The following KCNH8 variants were observed in gnomAD, a reference collection of about 807,000 sequenced individuals.
KCNH8 encodes the protein potassium voltage-gated channel subfamily H member 8, also known as voltage-gated delayed rectifier potassium channel KCNH8.
In KCNH8, 70 loss-of-function variants were observed where a neutral mutation model predicts 103.6. The observed-to-expected ratio is 0.68, with a 90% CI of 0.56 to 0.82. KCNH8 has a LOEUF of 0.82. KCNH8 is among the 40% of genes least tolerant of loss of function. The pLI is 0.00. For missense variants in KCNH8, 1,217 were observed against 1,329.9 expected (o/e 0.92, Z 1.32); for synonymous variants, 498 against 489.4 (o/e 1.02, Z -0.23).
In KCNH8 at chr3:19,438,358, G is replaced by A; in HGVS notation, c.1372G>A (p.Gly458Ser). 10 of 1,612,738 alleles carry A rather than the reference G, an allele frequency of 6.2e-6. No individual in the cohort carries two copies. The highest frequency in any genetic ancestry group is 8.5e-6 in the Non-Finnish European group (10 of 1,179,314). The change falls in exon 8 of 16, where the codon GGT (glycine) becomes AGT (serine). Residue 458 changes from glycine (G) to serine (S), a missense_variant. By Grantham distance (56) the Gly-to-Ser change is moderately conservative. Coordinates refer to ENST00000328405, the MANE Select transcript of KCNH8 (RefSeq NM_144633.3). ...CTTCTCCATCTGCACCATGCTGATTGGTGGTAAGAGAGCATCTTCTTTTAT... is the reference window on the plus strand; with the variant it reads ...CTTCTCCATCTGCACCATGCTGATTAGTGGTAAGAGAGCATCTTCTTTTAT... Reference protein sequence around the residue: ...KIFSICTMLIGALMHALVFGN... With the variant: ...KIFSICTMLISALMHALVFGN...
intron 5 of KCNH8, 128 bp from the exon 6 acceptor site, chr3:19,390,353 C>T: frequency 5.2e-5 from 34 of 648,994 alleles, no homozygotes; most frequent in South Asian, 1.3e-4. Context: ...GATTTTCTTC[C>T]TCCCTTCCTT....
chr3:19,346,848 C>T, intron 4 of KCNH8: 1 of 352,628 alleles, frequency 2.8e-6, no homozygotes, highest in Non-Finnish European at 5.7e-6. Context: ...GCCAGGTCTG[C>T]AAGTAGCTGG....
chr3:19,248,683 C>G (rs77810377), intron 1 of KCNH8, among the ~76,000 whole-genome samples: 1,598 of 152,274 alleles, frequency 0.01, 16 homozygotes, highest in Non-Finnish European at 0.015. Context: ...CTAAAGTTCT[C>G]TAGGTCTGTG....
intron 3 of KCNH8, among the ~76,000 whole-genome samples, chr3:19,305,217 G>A (rs1244125061): frequency 6.6e-6 from 1 of 152,068 alleles, no homozygotes; most frequent in African/African-American, 2.4e-5. Context: ...TTCTAAATGA[G>A]TATGGCTTCC....
In KCNH8 at chr3:19,194,660, A is replaced by G. The variant is rs553216729; in HGVS notation, c.76+45865A>G. Among the ~76,000 whole-genome samples the G allele has an allele frequency of 4.6e-5, 7 of 151,990 alleles. No homozygotes were observed. In the South Asian group the frequency reaches 1.2e-3, roughly 27 times the overall value. ...AAGATAAGGAGGGGGTAGGGGTTGA[A>G]AACTACTTATTGGGTACTAGGTTCA... On this transcript the variant is annotated intron_variant, in intron 1 of 15. Coordinates refer to ENST00000328405, the MANE Select transcript of KCNH8 (RefSeq NM_144633.3).
intron 5 of KCNH8, among the ~76,000 whole-genome samples, chr3:19,376,247 C>G (rs59449459): frequency 4.6e-5 from 7 of 152,284 alleles, no homozygotes; most frequent in East Asian, 1.9e-4. Flanking sequence ...TAGCAATCAG[C>G]GAGACTCTGT....
intron 7 of KCNH8, among the ~76,000 whole-genome samples, chr3:19,416,021 C>G (rs1447460405): frequency 2.0e-5 from 3 of 152,030 alleles, no homozygotes; most frequent in Non-Finnish European, 4.4e-5. Context: ...CATTAACTTG[C>G]AGGTTATCTT....
chr3:19,450,862 G>A, intron 9 of KCNH8: 1 of 375,100 alleles, frequency 2.7e-6, no homozygotes, highest in Non-Finnish European at 4.9e-6. Flanking sequence ...CTTCTGTCCT[G>A]ACTAGGACTC....
At chr3:19,403,361 A>AATATATATATATATATATATATATAT (rs57523893) in intron 7 of KCNH8, among the ~76,000 whole-genome samples, 2 of 124,646 alleles carry the variant, frequency 1.6e-5, no homozygotes, top group Non-Finnish European at 3.5e-5. Flanking sequence ...ATATGTAAAG[A>AATATATATATATATATATATATATAT]ATATATATAT....
At chr3:19,372,392 CT>C (rs1231870347) in intron 5 of KCNH8, among the ~76,000 whole-genome samples, 1 of 150,284 alleles carries the variant, frequency 6.7e-6, no homozygotes, top group Non-Finnish European at 1.5e-5. Context: ...TGGGAGTTCA[CT>C]CATGATTTGG....
At chr3:19,176,146 T>C (rs1487996099) in intron 1 of KCNH8, among the ~76,000 whole-genome samples, 1 of 152,200 alleles carries the variant, frequency 6.6e-6, no homozygotes, top group Non-Finnish European at 1.5e-5. Context: ...TCTCGTCCTT[T>C]AATATTTTAC....
At chr3:19,187,693 C>CGG (rs1210623222) in intron 1 of KCNH8, among the ~76,000 whole-genome samples, 1 of 152,070 alleles carries the variant, frequency 6.6e-6, no homozygotes, top group Non-Finnish European at 1.5e-5. Context: ...TGGGTGTTAA[C>CGG]AAATGCATAA....
At chr3:19,467,300 G>GACACAC (rs138481664) in intron 11 of KCNH8, among the ~76,000 whole-genome samples, 1,931 of 148,614 alleles carry the variant, frequency 0.013, 24 homozygotes, top group Middle Eastern at 0.024. Flanking sequence ...TGTATAAGTA[G>GACACAC]ACACACACAC....
intron 11 of KCNH8, among the ~76,000 whole-genome samples, chr3:19,457,855 A>G (rs1213773988): frequency 2.6e-5 from 4 of 151,966 alleles, no homozygotes; most frequent in Non-Finnish European, 5.9e-5. Flanking sequence ...TAAATTGTGT[A>G]TTATTTTATC....
At chr3:19,233,159 T>G (rs2064017561) in intron 1 of KCNH8, among the ~76,000 whole-genome samples, 1 of 149,558 alleles carries the variant, frequency 6.7e-6, no homozygotes, top group African/African-American at 2.5e-5. Flanking sequence ...AAAATAACTT[T>G]GATTTGATCT....
chr3:19,447,579 T>C lies in KCNH8; in HGVS notation c.1376-2527T>C, dbSNP rs550092148. ...CGATTTAATCTCCATGGAAAGACTA[T>C]TACATAGTGTTAAAGATGGTAGGGC... On this transcript the variant is annotated intron_variant, in intron 8 of 15. Coordinates refer to ENST00000328405, the MANE Select transcript of KCNH8 (RefSeq NM_144633.3). 1.1e-4 allele frequency among the ~76,000 whole-genome samples: 16 copies of C among 152,118 alleles called. No individual in the cohort carries two copies. The South Asian group carries it at 3.3e-3, about 32-fold the overall frequency.
At chr3:19,327,551 A>G (rs547055474) in intron 3 of KCNH8, among the ~76,000 whole-genome samples, 10 of 152,182 alleles carry the variant, frequency 6.6e-5, no homozygotes, top group Non-Finnish European at 1.5e-4. Context: ...CAGCCTCCCA[A>G]AGTGCTGGGA....
chr3:19,236,386 A>G (rs925937956), intron 1 of KCNH8, among the ~76,000 whole-genome samples: 1 of 152,166 alleles, frequency 6.6e-6, no homozygotes, highest in Non-Finnish European at 1.5e-5. Flanking sequence ...TTCTTACGTC[A>G]TCGTGTACTG....
chr3:19,362,539 C>G (rs1334033004), intron 5 of KCNH8, among the ~76,000 whole-genome samples: 1 of 152,160 alleles, frequency 6.6e-6, no homozygotes. Context: ...GGGAAACTTT[C>G]CTGCACCTGC....
Sources: allele counts gnomAD v4.1 joint callset (sites outside exome capture counted in the v4.1 genomes callset), GRCh38; gene constraint gnomAD v4.1.1; transcripts MANE v1.5; gene names NCBI Gene and HGNC (gene_info 2026-07-23, HGNC 2026-07-21).